Variants in ZNF578 observed in about 807,000 individuals in gnomAD.
The protein encoded by ZNF578 is Putative chemokine-related protein B42.
Under a neutral mutation model 8.3 loss-of-function variants are expected in ZNF578, and 8 were observed. That is an observed-to-expected ratio of 0.96 (90% CI 0.56 to 1.74). ZNF578 has a LOEUF of 1.74. ZNF578 is among the 40% of genes most tolerant of loss of function. ZNF578 has a pLI of 0.00. For missense variants in ZNF578, 726 were observed against 707.5 expected (o/e 1.03, Z -0.30); for synonymous variants, 206 against 232.2 (o/e 0.89, Z 1.03).
chr19:52,485,020 G>T (rs2059340039), intron 2 of ZNF578, among the ~76,000 whole-genome samples: 1 of 150,634 alleles, frequency 6.6e-6, no homozygotes, highest in South Asian at 2.1e-4. Context: ...TTTCACCTGG[G>T]TGCAGGCGGG....
intron 2 of ZNF578, among the ~76,000 whole-genome samples, chr19:52,467,590 G>A (rs935706387): frequency 6.6e-6 from 1 of 151,896 alleles, no homozygotes; most frequent in Non-Finnish European, 1.5e-5. Context: ...ATTCCAGCCT[G>A]TGGGAAACAG....
At chr19:52,457,508 CCA>C (rs1195219683) in intron 2 of ZNF578, 1 of 152,074 alleles carries the variant, frequency 6.6e-6, no homozygotes, top group Non-Finnish European at 1.5e-5. Flanking sequence ...CGTGTGAACC[CCA>C]GTTTGAAGCT....
At chr19:52,502,005 C>G (rs1362619362) in intron 4 of ZNF578, 97 bp downstream of exon 4, 2 of 1,505,804 alleles carry the variant, frequency 1.3e-6, no homozygotes, top group Non-Finnish European at 1.8e-6. Flanking sequence ...AACAGCCAGT[C>G]TTTTCTGAGT....
intron 3 of ZNF578, among the ~76,000 whole-genome samples, chr19:52,500,180 G>T (rs1057378326): frequency 6.6e-6 from 1 of 152,140 alleles, no homozygotes; most frequent in Non-Finnish European, 1.5e-5. Flanking sequence ...ATCTTACAGA[G>T]ATCTCAGTTA....
rs574513410 is a variant in ZNF578 at position 52,496,785 on chromosome 19, G to A, written c.-19-5042G>A. ...CCTAAGTAGTTATGATTACAGGCAC[G>A]CAGCACCATGGCCGGCTAATTTTGT... On this transcript the variant is annotated intron_variant, in intron 3 of 5. Coordinates refer to ENST00000421239, the MANE Select transcript of ZNF578 (RefSeq NM_001099694.2). Among the ~76,000 whole-genome samples, 14 of 151,608 alleles carry A rather than the reference G, an allele frequency of 9.2e-5. No individual in the cohort carries two copies. The East Asian group carries it at 1.4e-3, about 15-fold the overall frequency.
chr19:52,473,415 A>T, intron 2 of ZNF578: 1 of 164,860 alleles, frequency 6.1e-6, no homozygotes, highest in Non-Finnish European at 1.4e-5. Flanking sequence ...TTCTCTCCAG[A>T]ATGGACTCTG....
intron 2 of ZNF578, among the ~76,000 whole-genome samples, chr19:52,459,715 G>GTGTGTA (rs1285862887): frequency 1.5e-4 from 1 of 6,630 alleles, no homozygotes; most frequent in African/African-American, 3.3e-4. Context: ...ATGTAGATAT[G>GTGTGTA]TGTGTGTGTG....
At chr19:52,508,310 C>CTCCA (rs1281842358) in intron 5 of ZNF578, among the ~76,000 whole-genome samples, 3 of 151,706 alleles carry the variant, frequency 2.0e-5, no homozygotes, top group Non-Finnish European at 2.9e-5. Context: ...TACCACTGCA[C>CTCCA]TCCAGCCTGG....
In ZNF578 at chr19:52,459,660, C is replaced by G. The variant is rs115701789; in HGVS notation, c.-122+2702C>G. On this transcript the variant is annotated intron_variant, in intron 2 of 5. Transcript: ENST00000421239. ...ACACACACACACACACATATATATACTACCATATGATCCAGCAGTCTCACT... is the reference window on the plus strand; with the variant it reads ...ACACACACACACACACATATATATAGTACCATATGATCCAGCAGTCTCACT... Among the ~76,000 whole-genome samples the G allele has an allele frequency of 9.0e-3, 1,146 of 127,966 alleles. 28 individuals are homozygous for G. The highest frequency in any genetic ancestry group is 0.034 in the African/African-American group (1,092 of 32,358). The allele number at this position is 127,966 out of a possible 152,430, so 84.0% of individuals were successfully genotyped here.
Position 52,510,310 on chromosome 19 carries a change from T to C in ZNF578, c.191-262T>C, listed in dbSNP as rs574944039. Among the ~76,000 whole-genome samples the C allele has an allele frequency of 2.0e-5, 3 of 152,324 alleles. No individual in the cohort carries two copies. The East Asian group carries it at 5.8e-4, about 29-fold the overall frequency. ...CTGTAGGGTCACAGTGGAAAAATAC[T>C]CCTTACTTTAGGCTTACACATGTTT... On this transcript the variant is annotated intron_variant, in intron 5 of 5. Coordinates refer to ENST00000421239, the MANE Select transcript of ZNF578 (RefSeq NM_001099694.2).
intron 3 of ZNF578, among the ~76,000 whole-genome samples, chr19:52,495,288 C>G (rs1294280365): frequency 7.0e-6 from 1 of 143,656 alleles, no homozygotes; most frequent in African/African-American, 2.5e-5. Context: ...CGATACTACC[C>G]CCTGAGTAGC....
chr19:52,502,497 G>A (rs539877228), intron 4 of ZNF578, among the ~76,000 whole-genome samples: 2 of 152,282 alleles, frequency 1.3e-5, no homozygotes, highest in East Asian at 3.9e-4. Context: ...AGCACTTTGG[G>A]AGGCCAAGGC....
At chr19:52,491,486 G>GAA (rs1350257295) in intron 3 of ZNF578, 61 bp downstream of exon 3, 1 of 152,326 alleles carries the variant, frequency 6.6e-6, no homozygotes, top group Non-Finnish European at 1.5e-5. Context: ...TTCCTCCTTT[G>GAA]AAAATAAAGA....
intron 4 of ZNF578, among the ~76,000 whole-genome samples, chr19:52,503,291 C>T (rs2059413865): frequency 6.6e-6 from 1 of 152,138 alleles, no homozygotes; most frequent in Admixed American, 6.5e-5. Context: ...AGTGATCCTC[C>T]CCTCTTGGCC....
intron 2 of ZNF578, among the ~76,000 whole-genome samples, chr19:52,465,057 A>C (rs1036105530): frequency 1.3e-5 from 2 of 152,166 alleles, no homozygotes; most frequent in Non-Finnish European, 2.9e-5. Flanking sequence ...AATATTGGGG[A>C]ATTCCAAGGA....
chr19:52,499,396 C>G (rs1204288992), intron 3 of ZNF578, among the ~76,000 whole-genome samples: 2 of 152,152 alleles, frequency 1.3e-5, no homozygotes, highest in African/African-American at 4.8e-5. Context: ...CAACCCTGAG[C>G]TCTACAATCC....
intron 3 of ZNF578, chr19:52,492,779 C>G (rs944825964): frequency 6.6e-6 from 1 of 152,232 alleles, no homozygotes; most frequent in Non-Finnish European, 1.5e-5. Flanking sequence ...CCAAACTGTT[C>G]GCGGGCCCCG....
intron 4 of ZNF578, among the ~76,000 whole-genome samples, chr19:52,504,303 G>C (rs575652864): frequency 1.2e-3 from 180 of 150,396 alleles, no homozygotes; most frequent in East Asian, 1.9e-3. Flanking sequence ...ATTGGCCAGG[G>C]TGGTCTCGAA....
intron 3 of ZNF578, among the ~76,000 whole-genome samples, chr19:52,492,456 CTGAA>C (rs2059369002): frequency 6.6e-6 from 1 of 152,176 alleles, no homozygotes; most frequent in Admixed American, 6.5e-5. Flanking sequence ...ACTCTCCCTC[CTGAA>C]TGAATGGCGA....
Sources: allele counts gnomAD v4.1 joint callset (sites outside exome capture counted in the v4.1 genomes callset), GRCh38; gene constraint gnomAD v4.1.1; transcripts MANE v1.5; gene names NCBI Gene and HGNC (gene_info 2026-07-23, HGNC 2026-07-21).